The following LRP12 variants were observed in gnomAD, a reference collection of about 807,000 sequenced individuals.
The protein encoded by LRP12 is low-density lipoprotein receptor-related protein 12.
In LRP12, 14 loss-of-function variants were observed where a neutral mutation model predicts 66.0. The observed-to-expected ratio is 0.21, with a 90% confidence interval of 0.14 to 0.33. The LOEUF (loss-of-function observed/expected upper bound fraction) is 0.33, where lower values mean the gene tolerates loss of function less well. LRP12 is among the 10% of genes least tolerant of loss of function. The pLI, the probability that LRP12 is intolerant of heterozygous loss-of-function variation, is 1.00. For synonymous variants in LRP12, 357 were observed against 359.1 expected (o/e 0.99, Z 0.07); for missense variants, 889 against 1,053.4 (o/e 0.84, Z 2.16).
intron 2 of LRP12, among the ~76,000 whole-genome samples, chr8:104,525,300 A>T (rs1811216364): frequency 6.6e-6 from 1 of 152,248 alleles, no homozygotes; most frequent in South Asian, 2.1e-4. Context: ...ATTATTTCCC[A>T]TTATATAACA....
chr8:104,504,723 T>C (rs931778551), intron 3 of LRP12: 1 of 152,218 alleles, frequency 6.6e-6, no homozygotes, highest in Non-Finnish European at 1.5e-5. Context: ...GTTCCACATG[T>C]CTTTGAAAAG....
chr8:104,560,659 A>G (rs948643531), intron 1 of LRP12, among the ~76,000 whole-genome samples: 3 of 152,194 alleles, frequency 2.0e-5, no homozygotes, highest in African/African-American at 7.2e-5. Context: ...TTCAACATAC[A>G]TATCTCTCAA....
chr8:104,560,682 A>T (rs555659166), intron 1 of LRP12, among the ~76,000 whole-genome samples: 1 of 152,284 alleles, frequency 6.6e-6, no homozygotes, highest in Admixed American at 6.5e-5. Flanking sequence ...TATGTTATCC[A>T]GCTATCTATA....
At chr8:104,585,885 T>C (rs1429004949) in intron 1 of LRP12, among the ~76,000 whole-genome samples, 19 of 152,212 alleles carry the variant, frequency 1.2e-4, no homozygotes, top group Admixed American at 1.2e-3. Context: ...ACAGCTTCTA[T>C]TGACTAGGAG....
At chr8:104,586,305 T>A (rs1003063089) in intron 1 of LRP12, among the ~76,000 whole-genome samples, 61 of 152,120 alleles carry the variant, frequency 4.0e-4, no homozygotes, top group Non-Finnish European at 2.8e-4. Context: ...CAACAAAAAA[T>A]TTTTTTATGT....
At chr8:104,585,329 G>GA (rs1169746282) in intron 1 of LRP12, among the ~76,000 whole-genome samples, 7 of 152,196 alleles carry the variant, frequency 4.6e-5, no homozygotes, top group Non-Finnish European at 1.0e-4. Context: ...TGGTTCAAGT[G>GA]ATTCTCCTGC....
chr8:104,499,704 C>T lies in LRP12; in HGVS notation c.273-185G>A, dbSNP rs1810794915. Among the ~76,000 whole-genome samples the T allele has an allele frequency of 2.0e-5, 3 of 152,242 alleles. No homozygotes were observed. The South Asian group carries it at 6.2e-4, about 32-fold the overall frequency. The stretch of plus-strand genomic sequence containing the variant: ...TTCTATGTTCCTCATATTTGTATTT[C>T]TTCCCCAGATTGTAGAAAAATAATT... On this transcript the variant is annotated intron_variant, in intron 3 of 6. Coordinates refer to ENST00000276654, the MANE Select transcript of LRP12 (RefSeq NM_013437.5).
chr8:104,564,542 G>A lies in LRP12; in HGVS notation c.79+24277C>T, dbSNP rs558355554. ...CTCAGGTGTAGGGATGAGAGTAGGG[G>A]ACAGGGCAGGGAGGGAGTAATCAGG... On this transcript the variant is annotated intron_variant, in intron 1 of 6. Transcript: ENST00000276654. Among the ~76,000 whole-genome samples, 20 of 152,066 alleles carry A rather than the reference G, an allele frequency of 1.3e-4. No homozygotes were observed. In the South Asian group the frequency reaches 1.7e-3, roughly 13 times the overall value.
chr8:104,569,864 A>G (rs1333799771), intron 1 of LRP12, among the ~76,000 whole-genome samples: 1 of 152,162 alleles, frequency 6.6e-6, no homozygotes. Context: ...AAACACAAAA[A>G]TAATACTGTC....
intron 2 of LRP12, among the ~76,000 whole-genome samples, chr8:104,528,903 G>T (rs1811285969): frequency 6.6e-6 from 1 of 152,050 alleles, no homozygotes. Context: ...TTCTCATTCT[G>T]TTAGAAAGAT....
intron 2 of LRP12, among the ~76,000 whole-genome samples, chr8:104,528,595 T>A (rs769776110): frequency 2.0e-5 from 3 of 151,862 alleles, no homozygotes; most frequent in Non-Finnish European, 4.4e-5. Flanking sequence ...GCCAACATAG[T>A]GAAACCACGT....
chr8:104,582,617 T>C (rs1261453163), intron 1 of LRP12, among the ~76,000 whole-genome samples: 1 of 152,194 alleles, frequency 6.6e-6, no homozygotes, highest in Admixed American at 6.5e-5. Context: ...CTATACTTAT[T>C]TCATTGACAA....
At chr8:104,505,690 A>C (rs1351059979) in intron 3 of LRP12, 1 of 152,210 alleles carries the variant, frequency 6.6e-6, no homozygotes, top group Non-Finnish European at 1.5e-5. Flanking sequence ...GGCGTGAGCC[A>C]CCACATCTAG....
chr8:104,583,494 T>G (rs1313659640), intron 1 of LRP12, among the ~76,000 whole-genome samples: 1 of 152,214 alleles, frequency 6.6e-6, no homozygotes, highest in Non-Finnish European at 1.5e-5. Context: ...AATTACTCTG[T>G]GCCTGTTACT....
chr8:104,575,432 A>G (rs1812151471), intron 1 of LRP12, among the ~76,000 whole-genome samples: 1 of 152,214 alleles, frequency 6.6e-6, no homozygotes, highest in Non-Finnish European at 1.5e-5. Context: ...TGGATTTCGA[A>G]GCCTTGAAGA....
intron 2 of LRP12, among the ~76,000 whole-genome samples, chr8:104,520,258 T>C (rs969790669): frequency 6.6e-6 from 1 of 152,140 alleles, no homozygotes; most frequent in Admixed American, 6.6e-5. Context: ...AAAGGGCTTA[T>C]GAGGGCAATT....
chr8:104,517,352 C>A (rs570456997), intron 2 of LRP12, among the ~76,000 whole-genome samples: 2 of 151,596 alleles, frequency 1.3e-5, no homozygotes, highest in African/African-American at 4.8e-5. Flanking sequence ...TGACTATGAA[C>A]AAAAGATTTC....
Position 104,499,532 on chromosome 8 carries a change from T to C in LRP12, c.273-13A>G. 1 of 1,557,686 alleles carries C rather than the reference T, an allele frequency of 6.4e-7. No individual in the cohort carries two copies. Among genetic ancestry groups the C allele is most frequent in the Non-Finnish European group, 8.7e-7 (1 of 1,149,038 alleles). ...AAAATCCTGAAAACTGAAAAAAAAA[T>C]CAGAAATGTCTATTAAAAAGTCAAT... On this transcript the variant is annotated splice_polypyrimidine_tract_variant and intron_variant, in intron 3 of 6. Transcript: ENST00000276654.
chr8:104,554,529 A>T (rs769909782), intron 1 of LRP12, among the ~76,000 whole-genome samples: 1 of 152,140 alleles, frequency 6.6e-6, no homozygotes. Flanking sequence ...AAAACTTCAG[A>T]GCTTGAAGAC....
Sources: allele counts gnomAD v4.1 joint callset (sites outside exome capture counted in the v4.1 genomes callset), GRCh38; gene constraint gnomAD v4.1.1; transcripts MANE v1.5; gene names NCBI Gene and HGNC (gene_info 2026-07-23, HGNC 2026-07-21).